The following COPS3 variants were observed in gnomAD, a reference collection of about 807,000 sequenced individuals.
The protein encoded by COPS3 is COP9 signalosome subunit 3, also known as COP9 signalosome complex subunit 3.
In COPS3, 10 loss-of-function variants were observed where a neutral mutation model predicts 58.2. That is an observed-to-expected ratio of 0.17 (90% CI 0.11 to 0.29). COPS3 has a LOEUF of 0.29. Ranked by LOEUF, COPS3 falls within the 10% of genes least tolerant of loss-of-function variation. COPS3 has a pLI of 1.00. For synonymous variants in COPS3, 187 were observed against 181.7 expected, an observed-to-expected ratio of 1.03 and a Z score of -0.24; for missense variants, 333 against 510.1, an observed-to-expected ratio of 0.65 and a Z score of 3.34.
intron 7 of COPS3, chr17:17,261,691 C>T: frequency 2.3e-6 from 1 of 432,024 alleles, no homozygotes; most frequent in Admixed American, 3.7e-5. Flanking sequence ...GAGACTCTGT[C>T]TCTAGGGAAA....
At chr17:17,257,630 T>C (rs928316105) in intron 8 of COPS3, among the ~76,000 whole-genome samples, 6 of 150,888 alleles carry the variant, frequency 4.0e-5, no homozygotes, top group Non-Finnish European at 8.9e-5. Context: ...ACCCCGTCTC[T>C]ACTAAAAATA....
In COPS3 at chr17:17,260,415, T is replaced by A. The variant is rs199633470; in HGVS notation, c.822A>T (p.Glu274Asp). The A allele has an allele frequency of 1.1e-5, 17 of 1,613,804 alleles. No homozygotes were observed. The highest frequency in any genetic ancestry group is 1.4e-5 in the Non-Finnish European group (17 of 1,180,000). ...TGTGCTTATTCACCAGGTTTCGGAG[T>A]TCTGAGGGGTTGTTGGTTGAATACA... ...AQVYSTNNPS[E>D]LRNLVNKHSE... The change falls in exon 8 of 12, where the codon GAA (glutamate) becomes GAT (aspartate). Residue 274 changes from glutamate (E) to aspartate (D), a missense_variant. Transcript: ENST00000268717.
In COPS3 at chr17:17,254,408, ATAGTGG is replaced by A. The variant is rs1320840461; in HGVS notation, c.1023+445_1023+450del. Among the ~76,000 whole-genome samples the A allele has an allele frequency of 2.2e-4, 33 of 152,122 alleles. 1 individual carries two copies. Among genetic ancestry groups the A allele is most frequent in the Admixed American group, 2.2e-3 (33 of 15,262 alleles). On this transcript the variant is annotated intron_variant, in intron 9 of 11. Coordinates refer to ENST00000268717, the MANE Select transcript of COPS3 (RefSeq NM_003653.4). ...TATAAGGAAACAGACCAAATTGTCA[ATAGTGG>A]TAGACTTTGGAGGCTCCCCCCGCTT...
intron 10 of COPS3, 34 bp downstream of exon 10, chr17:17,248,892 A>G (rs749362131): frequency 3.8e-6 from 5 of 1,316,144 alleles, no homozygotes; most frequent in African/African-American, 3.0e-5. Flanking sequence ...TCAACCATCA[A>G]TTAAAAAAAT....
intron 6 of COPS3, among the ~76,000 whole-genome samples, chr17:17,263,582 C>T (rs573947172): frequency 5.0e-5 from 7 of 141,410 alleles, no homozygotes; most frequent in East Asian, 2.3e-4. Flanking sequence ...GGCACGATCT[C>T]GGCTCACTGC....
intron 2 of COPS3, 30 bp from the exon 3 acceptor site, chr17:17,271,038 C>T (rs2048329682): frequency 3.5e-6 from 5 of 1,447,222 alleles, no homozygotes; most frequent in Non-Finnish European, 2.9e-6. Flanking sequence ...ATCAAATTAC[C>T]CTGATAGTTC....
In COPS3 at chr17:17,270,780, T is replaced by G; in HGVS notation, c.326A>C (p.Asn109Thr). The change falls in exon 4 of 12, where the codon AAT becomes ACT. Residue 109 changes from asparagine to threonine, a missense_variant. Coordinates refer to ENST00000268717, the MANE Select transcript of COPS3 (RefSeq NM_003653.4). The part of the protein sequence containing the change: ...TFAGLCHQLT[N>T]ALVERKQPLR... ...TACCTGTTTTCTTTCCACAAGTGCATTTGTTAGCTGATGGCAAAGCCCAGC... is the reference window on the plus strand; with the variant it reads ...TACCTGTTTTCTTTCCACAAGTGCAGTTGTTAGCTGATGGCAAAGCCCAGC... 1 of 1,598,076 alleles carries G rather than the reference T, an allele frequency of 6.3e-7. No individual in the cohort carries two copies. The highest frequency in any genetic ancestry group is 8.5e-7 in the Non-Finnish European group (1 of 1,170,668).
chr17:17,256,801 G>A (rs553560962), intron 8 of COPS3, among the ~76,000 whole-genome samples: 2 of 152,170 alleles, frequency 1.3e-5, no homozygotes, highest in African/African-American at 4.8e-5. Flanking sequence ...TAGTTGCCCA[G>A]ACTGGTTTCA....
At chr17:17,259,966 A>C (rs2048057375) in intron 8 of COPS3, among the ~76,000 whole-genome samples, 1 of 151,668 alleles carries the variant, frequency 6.6e-6, no homozygotes, top group African/African-American at 2.4e-5. Flanking sequence ...GGCTGGTGAC[A>C]GTGCACTGAG....
At chr17:17,265,327 GT>G (rs1285696418) in intron 5 of COPS3, among the ~76,000 whole-genome samples, 1 of 151,776 alleles carries the variant, frequency 6.6e-6, no homozygotes, top group Non-Finnish European at 1.5e-5. Flanking sequence ...TTTGGATTGG[GT>G]TTCAAATTTT....
At position 17,264,969 on chromosome 17, in the gene COPS3, C is replaced by T. The variant is rs145898099; in HGVS notation, c.454G>A (p.Ala152Thr). Residue 152 changes from alanine (A) to threonine (T), a missense_variant, in exon 6 of 12, where the codon GCA becomes ACA. Ala to Thr is a moderately conservative substitution (Grantham distance 58, BLOSUM62 0). Transcript: ENST00000268717. The stretch of plus-strand genomic sequence containing the variant: ...GGAAGGGCAGGCTTAAAGCATTTTG[C>T]TAGCAAACAAAGCTGTGAACAAATT... ...HADLCQLCLL[A>T]KCFKPALPYL... is the part of the protein sequence containing the mutation. 1 of 1,611,874 alleles carries T rather than the reference C, an allele frequency of 6.2e-7. No homozygotes were observed. Among genetic ancestry groups the T allele is most frequent in the Admixed American group, 1.7e-5 (1 of 59,364 alleles).
Position 17,256,597 on chromosome 17 carries a change from C to T in COPS3, c.937-1652G>A, listed in dbSNP as rs1209260327. On this transcript the variant is annotated intron_variant, in intron 8 of 11. Transcript: ENST00000268717. ...GAGCTGGGCATATTAAAACCCTCAT[C>T]TTGAAAATTCCTTTTTTTTTTGAGA... Among the ~76,000 whole-genome samples the T allele has an allele frequency of 3.0e-4, 46 of 152,020 alleles. 1 individual carries two copies. Among genetic ancestry groups the T allele is most frequent in the Admixed American group, 3.0e-3 (46 of 15,216 alleles).
intron 1 of COPS3, chr17:17,280,608 A>T (rs2048557930): frequency 7.7e-7 from 1 of 1,302,510 alleles, no homozygotes; most frequent in Non-Finnish European, 1.0e-6. Context: ...GTAGGACCAA[A>T]ATAGGCGCAC....
intron 6 of COPS3, 85 bp from the exon 7 acceptor site, chr17:17,262,191 A>C: frequency 8.1e-7 from 1 of 1,229,348 alleles, no homozygotes; most frequent in Non-Finnish European, 1.1e-6. Flanking sequence ...ATTAATTATA[A>C]GTCAATAATA....
At chr17:17,265,935 G>A (rs905076031) in intron 5 of COPS3, among the ~76,000 whole-genome samples, 1 of 152,176 alleles carries the variant, frequency 6.6e-6, no homozygotes, top group African/African-American at 2.4e-5. Flanking sequence ...TAAATACAGG[G>A]AATTGTGCAA....
intron 1 of COPS3, 22 bp from the exon 2 acceptor site, chr17:17,276,186 A>G (rs755698591): frequency 5.0e-6 from 8 of 1,612,588 alleles, no homozygotes; most frequent in Non-Finnish European, 8.5e-7. Context: ...GAACAACACT[A>G]TTGCATTTCA....
chr17:17,268,174 T>C, intron 4 of COPS3, 197 bp from the exon 5 acceptor site: 1 of 647,646 alleles, frequency 1.5e-6, no homozygotes. Flanking sequence ...CTTGGAATTT[T>C]TAGATAACTC....
chr17:17,280,267 C>T (rs2048546365), intron 1 of COPS3, among the ~76,000 whole-genome samples: 1 of 152,034 alleles, frequency 6.6e-6, no homozygotes, highest in African/African-American at 2.4e-5. Flanking sequence ...AAAAATTAGC[C>T]GGGCAGGCGC....
intron 5 of COPS3, among the ~76,000 whole-genome samples, chr17:17,266,808 A>T (rs937852215): frequency 2.6e-5 from 4 of 151,536 alleles, no homozygotes; most frequent in Admixed American, 1.3e-4. Flanking sequence ...CAAAAAATAA[A>T]AAAAAAAAAG....
Sources: allele counts gnomAD v4.1 joint callset (sites outside exome capture counted in the v4.1 genomes callset), GRCh38; gene constraint gnomAD v4.1.1; transcripts MANE v1.5; gene names NCBI Gene and HGNC (gene_info 2026-07-23, HGNC 2026-07-21).